ATF7: variants seen among roughly 807,000 people sequenced by gnomAD.
ATF7 encodes activating transcription factor 7, also known as cyclic AMP-dependent transcription factor ATF-7.
Under a neutral mutation model 50.4 loss-of-function variants are expected in ATF7, and 10 were observed. That is an observed-to-expected ratio of 0.20 (90% CI 0.12 to 0.34). The LOEUF (loss-of-function observed/expected upper bound fraction) is 0.34, where lower values mean the gene tolerates loss of function less well. Among genes scored for constraint, ATF7 ranks in the 10% least tolerant of loss-of-function variants. ATF7 has a pLI of 1.00. For missense variants in ATF7, 465 were observed against 613.9 expected (o/e 0.76, Z 2.56); for synonymous variants, 201 against 226.4 (o/e 0.89, Z 1.01).
chr12:53,589,694 A>G (rs1208126639), intron 2 of ATF7, among the ~76,000 whole-genome samples: 4 of 152,192 alleles, frequency 2.6e-5, no homozygotes, highest in African/African-American at 4.8e-5. Flanking sequence ...TAAAGAGACA[A>G]TATCTCTATG....
Position 53,536,758 on chromosome 12 carries a change from C to T in ATF7, c.402+657G>A, listed in dbSNP as rs537976441. ...CAAAAATTAGCCGGGCGTGGTGGCA[C>T]GCACCTGTAGTCCCAGCTACTTGGG... On this transcript the variant is annotated intron_variant, in intron 5 of 11. Coordinates refer to ENST00000420353, the MANE Select transcript of ATF7 (RefSeq NM_006856.3). Among the ~76,000 whole-genome samples the T allele has an allele frequency of 6.1e-4, 93 of 152,036 alleles. No homozygotes were observed. The South Asian group carries it at 0.017, about 28-fold the overall frequency.
At chr12:53,612,242 C>G (rs1162288429) in intron 1 of ATF7, among the ~76,000 whole-genome samples, 1 of 151,644 alleles carries the variant, frequency 6.6e-6, no homozygotes, top group East Asian at 1.9e-4. Flanking sequence ...TCCTAAAGTG[C>G]TGGAATTACA....
In ATF7 at chr12:53,524,890, T is replaced by G; in HGVS notation, c.928-129A>C. On this transcript the variant is annotated intron_variant, in intron 9 of 11. Coordinates refer to ENST00000420353, the MANE Select transcript of ATF7 (RefSeq NM_006856.3). The surrounding 1 kb of genome is among the most constrained non-coding windows in gnomAD (Gnocchi z 4.6). Reference sequence around the variant, plus strand: ...CAGCCTCTGGTAACCACAGCAAGTCTCATTACTATGTCCCCAAGCTTCCCT... The same window carrying G: ...CAGCCTCTGGTAACCACAGCAAGTCGCATTACTATGTCCCCAAGCTTCCCT... 1.1e-6 allele frequency: 1 copy of G among 869,612 alleles called. No homozygotes were observed. Among genetic ancestry groups the G allele is most frequent in the South Asian group, 1.9e-5 (1 of 52,500 alleles). The allele number at this position is 869,612 out of a possible 1,614,324, so 53.9% of individuals were successfully genotyped here. A position where few individuals can be genotyped will look rare whatever the true frequency, so the allele number is the denominator to read the frequency against.
intron 2 of ATF7, among the ~76,000 whole-genome samples, chr12:53,562,424 G>C (rs2137568435): frequency 6.6e-6 from 1 of 152,280 alleles, no homozygotes; most frequent in East Asian, 1.9e-4. Context: ...CAGATCACCT[G>C]AGGTCAGGAA....
At chr12:53,509,580 C>T (rs1177159512), downstream of ATF7, among the ~76,000 whole-genome samples, 6 of 151,428 alleles carry the variant, frequency 4.0e-5, no homozygotes, top group South Asian at 6.3e-4. Flanking sequence ...CTCGGCTCAC[C>T]GCAACCCCTC....
At chr12:53,587,335 C>A (rs1224349632) in intron 2 of ATF7, among the ~76,000 whole-genome samples, 1 of 131,098 alleles carries the variant, frequency 7.6e-6, no homozygotes, top group Non-Finnish European at 1.6e-5. Flanking sequence ...CCACTATAGT[C>A]CAGCCTGGGT....
intron 1 of ATF7, among the ~76,000 whole-genome samples, chr12:53,619,745 G>A (rs1944299940): frequency 6.6e-6 from 1 of 151,926 alleles, no homozygotes; most frequent in Non-Finnish European, 1.5e-5. Flanking sequence ...CCAGGAGGCA[G>A]AGACTGCAGT....
intron 2 of ATF7, among the ~76,000 whole-genome samples, chr12:53,570,736 C>CGT (rs57842916): frequency 0.018 from 2,579 of 143,670 alleles, 26 homozygotes; most frequent in African/African-American, 0.025. Context: ...CTCCTGTGTG[C>CGT]GTGTGTGTGT....
Position 53,620,436 on chromosome 12 carries a change from C to A in ATF7, c.-22+5843G>T, listed in dbSNP as rs1416888920. ...CTAAAAATACAAAAAATTAGCCGGG[C>A]GTAGTGGCGGGCGCCTGTAGTCCCA... On this transcript the variant is annotated intron_variant, in intron 1 of 11. Transcript: ENST00000420353. Among the ~76,000 whole-genome samples the A allele has an allele frequency of 2.0e-5, 3 of 151,034 alleles. No individual in the cohort carries two copies. In the East Asian group the frequency reaches 5.8e-4, roughly 29 times the overall value.
chr12:53,539,422 G>C (rs1340804242), intron 4 of ATF7, among the ~76,000 whole-genome samples: 6 of 152,136 alleles, frequency 3.9e-5, no homozygotes, highest in African/African-American at 1.4e-4. Context: ...GGACAGGTGT[G>C]GTGGCTCATG....
intron 2 of ATF7, among the ~76,000 whole-genome samples, chr12:53,578,870 T>C (rs1051903087): frequency 3.9e-5 from 6 of 152,024 alleles, no homozygotes; most frequent in Admixed American, 6.6e-5. Flanking sequence ...TGGAGGTTGC[T>C]GTTGGCTTCT....
At chr12:53,567,521 T>C (rs1941507483) in intron 2 of ATF7, among the ~76,000 whole-genome samples, 1 of 152,212 alleles carries the variant, frequency 6.6e-6, no homozygotes, top group Admixed American at 6.5e-5. Flanking sequence ...AGGGCACTCT[T>C]GGGAACTACG....
At chr12:53,613,667 T>A (rs1943991554) in intron 1 of ATF7, among the ~76,000 whole-genome samples, 1 of 151,132 alleles carries the variant, frequency 6.6e-6, no homozygotes, top group Admixed American at 6.6e-5. Context: ...ACTACAGGAG[T>A]GCACCAACAA....
Position 53,524,797 on chromosome 12 carries a change from G to A in ATF7, c.928-36C>T, listed in dbSNP as rs781160921. The A allele has an allele frequency of 1.1e-5, 16 of 1,514,736 alleles. No homozygotes were observed. The East Asian group carries it at 3.8e-4, about 36-fold the overall frequency. 93.8% of individuals were successfully genotyped at this position (1,514,736 alleles called of 1,614,324 possible). A position where few individuals can be genotyped will look rare whatever the true frequency, so the allele number is the denominator to read the frequency against. ...GGAAGGAAGAGAGGTTACTTGATGGGAACATTAATCCTTTCCAAATCACAC... is the reference window on the plus strand; with the variant it reads ...GGAAGGAAGAGAGGTTACTTGATGGAAACATTAATCCTTTCCAAATCACAC... On this transcript the variant is annotated intron_variant, in intron 9 of 11. Coordinates refer to ENST00000420353, the MANE Select transcript of ATF7 (RefSeq NM_006856.3). This position sits in a 1 kb window ranked among gnomAD's most constrained non-coding sequence, Gnocchi z 4.6.
At chr12:53,570,876 C>A (rs1047108658) in intron 2 of ATF7, among the ~76,000 whole-genome samples, 1 of 152,012 alleles carries the variant, frequency 6.6e-6, no homozygotes, top group Non-Finnish European at 1.5e-5. Flanking sequence ...TCTGCAATGA[C>A]CCTGTTTCCA....
Position 53,524,553 on chromosome 12 carries a change from G to C in ATF7, c.1125+11C>G. The C allele has an allele frequency of 1.2e-6, 2 of 1,613,274 alleles. No homozygotes were observed. The highest frequency in any genetic ancestry group is 1.7e-6 in the Non-Finnish European group (2 of 1,179,848). ...TTCAACAATTCCAATAAGCATCCAG[G>C]ACCCACTCACACTCAGCTGAATGTT... On this transcript the variant is annotated intron_variant, in intron 10 of 11. Transcript: ENST00000420353. This position sits in a 1 kb window ranked among gnomAD's most constrained non-coding sequence, Gnocchi z 4.6.
At chr12:53,620,673 T>C (rs533173168) in intron 1 of ATF7, among the ~76,000 whole-genome samples, 2 of 151,788 alleles carry the variant, frequency 1.3e-5, no homozygotes, top group Middle Eastern at 3.4e-3. Context: ...TGAGAATTGC[T>C]TGAACCTGGG....
chr12:53,605,614 A>C (rs140104593), intron 1 of ATF7, among the ~76,000 whole-genome samples: 1,135 of 152,338 alleles, frequency 7.5e-3, no homozygotes, highest in Non-Finnish European at 0.012. Flanking sequence ...ACATTCTAAA[A>C]GGAAGAAACA....
intron 3 of ATF7, 117 bp downstream of exon 3, chr12:53,552,424 T>C: frequency 1.4e-6 from 1 of 732,420 alleles, no homozygotes; most frequent in Non-Finnish European, 2.3e-6. Context: ...TAAATGCAGA[T>C]CACATAAGGG....
Sources: allele counts gnomAD v4.1 joint callset (sites outside exome capture counted in the v4.1 genomes callset), GRCh38; gene constraint gnomAD v4.1.1; non-coding constraint Gnocchi (gnomAD v3.1); transcripts MANE v1.5; gene names NCBI Gene and HGNC (gene_info 2026-07-23, HGNC 2026-07-21).